The following THSD7B variants were observed in gnomAD, a reference collection of about 807,000 sequenced individuals.
The protein encoded by THSD7B is thrombospondin type 1 domain containing 7B.
THSD7B carries 138 observed loss-of-function variants against 213.6 expected under a neutral mutation model. The ratio of observed to expected loss-of-function variants is 0.65; its 90% CI spans 0.56 to 0.74. The LOEUF is 0.74. Ranked by LOEUF, THSD7B falls within the 30% of genes least tolerant of loss-of-function variation. The pLI is 0.00. For synonymous variants in THSD7B, 742 were observed against 687.0 expected, an observed-to-expected ratio of 1.08 and a Z score of -1.25; for missense variants, 1,931 against 1,991.5, an observed-to-expected ratio of 0.97 and a Z score of 0.58.
chr2:137,499,476 C>T lies in THSD7B; in HGVS notation c.3138+48453C>T, dbSNP rs575689617. On this transcript the variant is annotated intron_variant, in intron 15 of 27. Coordinates refer to ENST00000409968, the MANE Select transcript of THSD7B (RefSeq NM_001316349.2). ...AAATAATTTTCCCATTGCAACATTT[C>T]GTTATGTTCCCATTCCTCAAATTTT... is the stretch of plus-strand genomic sequence containing the variant. Among the ~76,000 whole-genome samples, 19 of 152,274 alleles carry T rather than the reference C, an allele frequency of 1.2e-4. No homozygotes were observed. In the South Asian group the frequency reaches 3.9e-3, roughly 32 times the overall value.
chr2:137,657,944 C>T (rs1012575621), intron 24 of THSD7B, among the ~76,000 whole-genome samples: 2 of 152,292 alleles, frequency 1.3e-5, no homozygotes, highest in African/African-American at 4.8e-5. Context: ...ATCTCTTGAC[C>T]TCATAATCTG....
intron 2 of THSD7B, among the ~76,000 whole-genome samples, chr2:136,903,205 G>A (rs1370184004): frequency 5.3e-5 from 8 of 152,180 alleles, no homozygotes; most frequent in African/African-American, 9.7e-5. Context: ...TGAAAACACA[G>A]CACAGTTGCC....
intron 7 of THSD7B, among the ~76,000 whole-genome samples, chr2:137,218,615 C>T (rs1392282897): frequency 6.6e-6 from 1 of 151,998 alleles, no homozygotes; most frequent in Non-Finnish European, 1.5e-5. Context: ...AAGTATACTA[C>T]ATTAAAGGAA....
chr2:137,017,925 G>A (rs147959327), intron 2 of THSD7B, among the ~76,000 whole-genome samples: 191 of 151,154 alleles, frequency 1.3e-3, no homozygotes, highest in African/African-American at 4.0e-3. Flanking sequence ...CAAAACTTCT[G>A]TTACATAAAA....
At chr2:137,081,179 G>A (rs1025290672) in intron 3 of THSD7B, among the ~76,000 whole-genome samples, 1 of 151,996 alleles carries the variant, frequency 6.6e-6, no homozygotes, top group East Asian at 1.9e-4. Flanking sequence ...TCCCAGGGTC[G>A]ATTGATCTGG....
chr2:137,568,724 C>T (rs1488061004), intron 16 of THSD7B, among the ~76,000 whole-genome samples: 2 of 152,124 alleles, frequency 1.3e-5, no homozygotes, highest in Admixed American at 6.5e-5. Context: ...CTCACTGTCA[C>T]GAGAACAGCA....
chr2:136,775,774 C>T (rs573621974), intron 1 of THSD7B, among the ~76,000 whole-genome samples: 2 of 152,170 alleles, frequency 1.3e-5, no homozygotes, highest in East Asian at 3.9e-4. Flanking sequence ...GGTGAAGCCC[C>T]TTTAAGTATC....
chr2:137,134,167 G>A (rs1159061102), intron 5 of THSD7B, among the ~76,000 whole-genome samples: 9 of 152,134 alleles, frequency 5.9e-5, no homozygotes. Flanking sequence ...AGAAAGTGAG[G>A]CTTTGGACTG....
At chr2:137,435,482 G>A (rs1687272535) in intron 14 of THSD7B, among the ~76,000 whole-genome samples, 1 of 152,158 alleles carries the variant, frequency 6.6e-6, no homozygotes, top group Non-Finnish European at 1.5e-5. Context: ...TAAAGATACT[G>A]TTTTCTCCAT....
intron 2 of THSD7B, among the ~76,000 whole-genome samples, chr2:136,943,312 G>A (rs1364815814): frequency 6.6e-6 from 1 of 152,186 alleles, no homozygotes; most frequent in African/African-American, 2.4e-5. Context: ...TTGCATCAAT[G>A]TTCATCAGGG....
At chr2:137,156,929 A>G (rs549716552) in intron 5 of THSD7B, among the ~76,000 whole-genome samples, 1 of 152,266 alleles carries the variant, frequency 6.6e-6, no homozygotes, top group East Asian at 1.9e-4. Context: ...CTTCTTAGTA[A>G]TGAGAGAGAT....
At chr2:137,352,552 T>C (rs1685037269) in intron 12 of THSD7B, among the ~76,000 whole-genome samples, 1 of 151,994 alleles carries the variant, frequency 6.6e-6, no homozygotes, top group African/African-American at 2.4e-5. Context: ...CCATGGTTTA[T>C]GGGGTTTACC....
intron 12 of THSD7B, among the ~76,000 whole-genome samples, chr2:137,324,318 A>G (rs1447207928): frequency 6.6e-6 from 1 of 152,196 alleles, no homozygotes; most frequent in Non-Finnish European, 1.5e-5. Flanking sequence ...GAAAAAAATG[A>G]CAGAAGATAC....
chr2:137,642,457 T>G, intron 20 of THSD7B, 31 bp from the exon 21 acceptor site: 2 of 1,611,074 alleles, frequency 1.2e-6, no homozygotes, highest in Non-Finnish European at 8.5e-7. Context: ...CCAAACTAAC[T>G]GAAAAGCTGA....
intron 7 of THSD7B, among the ~76,000 whole-genome samples, chr2:137,178,585 G>T (rs948897510): frequency 6.6e-6 from 1 of 152,132 alleles, no homozygotes; most frequent in Non-Finnish European, 1.5e-5. Context: ...TGAAATTAAA[G>T]ATGAAACTCT....
intron 1 of THSD7B, among the ~76,000 whole-genome samples, chr2:136,844,906 A>G (rs1682983442): frequency 6.6e-6 from 1 of 152,246 alleles, no homozygotes; most frequent in Non-Finnish European, 1.5e-5. Context: ...AGGTTTGCCA[A>G]CACTTTAACA....
At chr2:137,272,405 T>G in intron 10 of THSD7B, 128 bp from the exon 11 acceptor site, 1 of 862,942 alleles carries the variant, frequency 1.2e-6, no homozygotes, top group Non-Finnish European at 1.7e-6. Flanking sequence ...CTTGTTATTT[T>G]CGTTCCCAGG....
intron 15 of THSD7B, among the ~76,000 whole-genome samples, chr2:137,489,940 C>T (rs1049809741): frequency 8.6e-5 from 13 of 151,946 alleles, no homozygotes; most frequent in East Asian, 1.9e-4. Context: ...TGTGGTGTCA[C>T]GTAGAGAAAA....
At chr2:137,492,654 TAA>T (rs1333507567) in intron 15 of THSD7B, among the ~76,000 whole-genome samples, 1 of 152,152 alleles carries the variant, frequency 6.6e-6, no homozygotes, top group Non-Finnish European at 1.5e-5. Context: ...TCCTCCTCTA[TAA>T]AAAGGTATAA....
Sources: gnomAD v4.1 joint callset for allele counts (sites outside exome capture counted in the v4.1 genomes callset) on GRCh38, gnomAD v4.1.1 for gene constraint, MANE v1.5 for transcripts, NCBI Gene and HGNC (gene_info 2026-07-23, HGNC 2026-07-21) for gene names.